The following DRAXIN variants were observed in gnomAD, a reference collection of about 807,000 sequenced individuals.
DRAXIN encodes dorsal repulsive axon guidance protein.
Under a neutral mutation model 33.9 loss-of-function variants are expected in DRAXIN, and 27 were observed. The observed-to-expected ratio is 0.80, with a 90% confidence interval of 0.59 to 1.10. DRAXIN has a LOEUF of 1.10. Ranked by LOEUF, DRAXIN falls within the 50% of genes least tolerant of loss-of-function variation. The pLI, the probability that DRAXIN is intolerant of heterozygous loss-of-function variation, is 0.00. For missense variants in DRAXIN, 371 were observed against 460.8 expected, an observed-to-expected ratio of 0.81 and a Z score of 1.78; for synonymous variants, 178 against 194.0, an observed-to-expected ratio of 0.92 and a Z score of 0.69.
rs1034298577 is a variant in DRAXIN, at chr1:11,696,153, A to C, written c.-11+4300A>C. Among the ~76,000 whole-genome samples, 15 of 152,266 alleles carry C rather than the reference A, an allele frequency of 9.9e-5. No homozygotes were observed. Among genetic ancestry groups the C allele is most frequent in the African/African-American group, 3.6e-4 (15 of 41,542 alleles). ...CCTGCGCCTGCCCCTTTGCACACCC[A>C]GGCACAGATGCACAAATGCTTCCAG... On this transcript the variant is annotated intron_variant, in intron 1 of 6. Coordinates refer to ENST00000294485, the MANE Select transcript of DRAXIN (RefSeq NM_198545.4). The surrounding 1 kb of genome is among the most constrained non-coding windows in gnomAD (Gnocchi z 4.7).
At position 11,706,683 on chromosome 1, in the gene DRAXIN, G is replaced by A. The variant is rs367999965; in HGVS notation, c.425G>A (p.Arg142His). Residue 142 changes from arginine to histidine, a missense_variant, in exon 2 of 7, where the codon CGC becomes CAC. Arg to His is a conservative substitution (Grantham distance 29, BLOSUM62 0). Transcript: ENST00000294485. This position sits in a 1 kb window ranked among gnomAD's most constrained non-coding sequence, Gnocchi z 5.5. ...TRKRSREHKRRRDRLRLHQGR... is the reference protein window; with the variant it reads ...TRKRSREHKRHRDRLRLHQGR... ...AAACGCAGCAGGGAGCACAAGAGAC[G>A]CAGGGACAGGTTGAGGCTGCACCAA... 3.5e-5 allele frequency: 56 copies of A among 1,590,790 alleles called. No homozygotes were observed. Among genetic ancestry groups the A allele is most frequent in the Non-Finnish European group, 4.2e-5 (49 of 1,174,992 alleles).
upstream of DRAXIN, among the ~76,000 whole-genome samples, chr1:11,688,609 C>T (rs537886493): frequency 6.6e-6 from 1 of 152,062 alleles, no homozygotes; most frequent in Admixed American, 6.6e-5. The surrounding 1 kb of genome is among the most constrained non-coding windows in gnomAD (Gnocchi z 4.6). Context: ...AAACCTAAGT[C>T]GGATCATGTC....
At chr1:11,716,734 G>A (rs573460909) in intron 6 of DRAXIN, among the ~76,000 whole-genome samples, 1 of 152,250 alleles carries the variant, frequency 6.6e-6, no homozygotes, top group South Asian at 2.1e-4. Context: ...GTGCAGTGGC[G>A]CAATCCCAGC....
At position 11,696,961 on chromosome 1, in the gene DRAXIN, G is replaced by A. The variant is rs1362328693; in HGVS notation, c.-11+5108G>A. ...TAAGGCAGAAGAATCACTTGAGCCC[G>A]TGAGGCAGAAGTTGCAGTGAGCCGA... On this transcript the variant is annotated intron_variant, in intron 1 of 6. Transcript: ENST00000294485. This position sits in a 1 kb window ranked among gnomAD's most constrained non-coding sequence, Gnocchi z 4.7. Among the ~76,000 whole-genome samples, 8 of 151,412 alleles carry A rather than the reference G, an allele frequency of 5.3e-5. No individual in the cohort carries two copies. Among genetic ancestry groups the A allele is most frequent in the Non-Finnish European group, 8.8e-5 (6 of 67,878 alleles).
chr1:11,709,428 A>C lies in DRAXIN; in HGVS notation c.605A>C (p.Glu202Ala). 6.2e-7 allele frequency: 1 copy of C among 1,614,008 alleles called. No individual in the cohort carries two copies. The highest frequency in any genetic ancestry group is 8.5e-7 in the Non-Finnish European group (1 of 1,179,962). ...TTTGAGGCAGCACCTGCCACAGAAG[A>C]GTCCCTGATCCTGCCCGTCACCTCC... ...TTFEAAPATE[E>A]SLILPVTSLR... is the part of the protein sequence containing the mutation. Residue 202 changes from glutamate (E) to alanine (A), a missense_variant, in exon 3 of 7, where the codon GAG becomes GCG. By Grantham distance (107) the Glu-to-Ala change is moderately radical. Transcript: ENST00000294485.
chr1:11,711,733 C>T (rs1004126209), intron 3 of DRAXIN, 118 bp from the exon 4 acceptor site: 15 of 899,786 alleles, frequency 1.7e-5, no homozygotes, highest in Non-Finnish European at 2.3e-5. Flanking sequence ...CCAGGCTGCC[C>T]AGCAGAGGAT....
intron 6 of DRAXIN, among the ~76,000 whole-genome samples, chr1:11,716,888 G>T (rs1264930943): frequency 6.6e-6 from 1 of 152,192 alleles, no homozygotes. Context: ...ACACTGGGGG[G>T]TTCAGTAGTG....
Position 11,706,252 on chromosome 1 carries a change from G to A in DRAXIN, c.-7G>A. 1.3e-6 allele frequency: 2 copies of A among 1,576,984 alleles called. No homozygotes were observed. The highest frequency in any genetic ancestry group is 1.2e-5 in the South Asian group (1 of 85,830). On this transcript the variant is annotated 5_prime_UTR_variant, in exon 2 of 7. Transcript: ENST00000294485. This position sits in a 1 kb window ranked among gnomAD's most constrained non-coding sequence, Gnocchi z 5.5. The stretch of plus-strand genomic sequence containing the variant: ...CATGGTGTTGCTCTTCTTGCAGGGA[G>A]GAGCCAATGGCTGGGCCTGCCATCC...
At chr1:11,701,172 C>T (rs1641268154) in intron 1 of DRAXIN, among the ~76,000 whole-genome samples, 1 of 152,174 alleles carries the variant, frequency 6.6e-6, no homozygotes, top group Non-Finnish European at 1.5e-5. Flanking sequence ...GCCCTGACTG[C>T]ACTCAAGGAG....
chr1:11,712,534 T>G (rs1290471862), intron 5 of DRAXIN, 105 bp downstream of exon 5: 1 of 1,079,170 alleles, frequency 9.3e-7, no homozygotes, highest in Non-Finnish European at 1.4e-6. Flanking sequence ...TCCTTGACCC[T>G]TCATGGATGA....
At chr1:11,695,601 CAA>C (rs35198989) in intron 1 of DRAXIN, among the ~76,000 whole-genome samples, 2,714 of 143,296 alleles carry the variant, frequency 0.019, 67 homozygotes, top group African/African-American at 0.056. Context: ...GATTCTGTCT[CAA>C]AAAAAAAAAT....
chr1:11,718,892 G>GTT (rs1449414344), intron 6 of DRAXIN, among the ~76,000 whole-genome samples: 4 of 151,458 alleles, frequency 2.6e-5, no homozygotes, highest in African/African-American at 9.7e-5. Flanking sequence ...AGATTTGTTT[G>GTT]TTTGTTTGTT....
rs1283871618 is a variant in DRAXIN, at chr1:11,711,841, C to G, written c.643-10C>G. 6.2e-7 allele frequency: 1 copy of G among 1,608,214 alleles called. No individual in the cohort carries two copies. The highest frequency in any genetic ancestry group is 1.7e-5 in the Admixed American group (1 of 59,416). On this transcript the variant is annotated splice_polypyrimidine_tract_variant and intron_variant, in intron 3 of 6. Transcript: ENST00000294485. ...AAGGTTCCAACATCCCCCTTCTCCA[C>G]GGTCTCCAGCAGGCACAGCCCAGGT...
intron 1 of DRAXIN, among the ~76,000 whole-genome samples, chr1:11,697,584 A>G (rs934352636): frequency 6.6e-6 from 1 of 152,128 alleles, no homozygotes; most frequent in Non-Finnish European, 1.5e-5. Flanking sequence ...ATGAGCCAGG[A>G]CTATGTGTCC....
At position 11,725,603 on chromosome 1, in the gene DRAXIN, A is replaced by T. The variant is rs1641734714; in HGVS notation, c.*5907A>T. On this transcript the variant is annotated 3_prime_UTR_variant, in exon 7 of 7. Transcript: ENST00000294485. ...CGTAGCTAATTACCAGCAATGACAAACTCCCAGGCTCTGAGGCCCAAGCCT... is the reference window on the plus strand; with the variant it reads ...CGTAGCTAATTACCAGCAATGACAATCTCCCAGGCTCTGAGGCCCAAGCCT... 1 of 152,218 alleles carries T rather than the reference A, an allele frequency of 6.6e-6. No homozygotes were observed. The highest frequency in any genetic ancestry group is 2.1e-4 in the South Asian group (1 of 4,830). The allele number at this position is 152,218 out of a possible 1,614,324, so 9.4% of individuals were successfully genotyped here.
intron 3 of DRAXIN, 89 bp from the exon 4 acceptor site, chr1:11,711,762 C>A (rs1570317084): frequency 4.0e-6 from 5 of 1,256,614 alleles, no homozygotes; most frequent in East Asian, 5.1e-5. Context: ...CTCTGAGAAG[C>A]CTCTTTTTTG....
chr1:11,720,761 C>T lies in DRAXIN; in HGVS notation c.*1065C>T, dbSNP rs1194636289. On this transcript the variant is annotated 3_prime_UTR_variant, in exon 7 of 7. Coordinates refer to ENST00000294485, the MANE Select transcript of DRAXIN (RefSeq NM_198545.4). ...CAAGGCTGTCCAGCTCCAAGGCCCA[C>T]GTTCTTGCTGCTCCACAGCCAAGAA... 4 of 152,176 alleles carry T rather than the reference C, an allele frequency of 2.6e-5. No individual in the cohort carries two copies. Among genetic ancestry groups the T allele is most frequent in the East Asian group, 1.9e-4 (1 of 5,196 alleles). The allele number at this position is 152,176 out of a possible 1,614,324, so 9.4% of individuals were successfully genotyped here. A position where few individuals can be genotyped will look rare whatever the true frequency, so the allele number is the denominator to read the frequency against.
Position 11,712,417 on chromosome 1 carries a change from G to C in DRAXIN, c.835G>C (p.Asp279His). 1 of 1,614,092 alleles carries C rather than the reference G, an allele frequency of 6.2e-7. No homozygotes were observed. The highest frequency in any genetic ancestry group is 8.5e-7 in the Non-Finnish European group (1 of 1,179,998). Residue 279 changes from aspartate to histidine, a missense_variant, in exon 5 of 7, where the codon GAC (aspartate) becomes CAC (histidine). Asp to His is a moderately conservative substitution (Grantham distance 81). Transcript: ENST00000294485. The stretch of plus-strand genomic sequence containing the variant: ...AGGGGAACCATGCGACCATCACCAA[G>C]ACTGCCTGCCAGGTACCAGCCAGCA... ...AEGEPCDHHQ[D>H]CLPGTCCDLR...
At chr1:11,712,009 C>A in intron 4 of DRAXIN, 44 bp downstream of exon 4, 2 of 1,557,620 alleles carry the variant, frequency 1.3e-6, no homozygotes, top group South Asian at 1.2e-5. Context: ...GGGTGCCCTG[C>A]CCTCCCGCAC....
Sources: allele counts gnomAD v4.1 joint callset (sites outside exome capture counted in the v4.1 genomes callset), GRCh38; gene constraint gnomAD v4.1.1; non-coding constraint Gnocchi (gnomAD v3.1); transcripts MANE v1.5; gene names NCBI Gene and HGNC (gene_info 2026-07-23, HGNC 2026-07-21).